The following MAFF variants were observed in gnomAD, a reference collection of about 807,000 sequenced individuals.
MAFF encodes the protein MAF bZIP transcription factor F.
MAFF carries 4 observed loss-of-function variants against 2.7 expected under a neutral mutation model. The ratio of observed to expected loss-of-function variants is 1.48; its 90% CI spans 0.73 to 3.39. The LOEUF is 3.39. Among genes scored for constraint, MAFF ranks in the 30% most tolerant of loss-of-function variants. The pLI is 0.01. For synonymous variants in MAFF, 113 were observed against 119.4 expected, an observed-to-expected ratio of 0.95 and a Z score of 0.35; for missense variants, 190 against 246.6, an observed-to-expected ratio of 0.77 and a Z score of 1.54.
chr22:38,213,252 C>A (rs1284570070), intron 1 of MAFF, among the ~76,000 whole-genome samples: 1 of 149,336 alleles, frequency 6.7e-6, no homozygotes, highest in East Asian at 2.0e-4. Context: ...ATCAAAGGCA[C>A]ATGTCCAAGC....
At chr22:38,213,037 C>T (rs1162387126) in intron 1 of MAFF, among the ~76,000 whole-genome samples, 2 of 151,666 alleles carry the variant, frequency 1.3e-5, no homozygotes, top group Non-Finnish European at 2.9e-5. Flanking sequence ...ATTAGCTGGG[C>T]GTGGTGACAG....
At chr22:38,208,580 C>T (rs920913690) in intron 1 of MAFF, among the ~76,000 whole-genome samples, 2 of 152,182 alleles carry the variant, frequency 1.3e-5, no homozygotes, top group Admixed American at 6.5e-5. Context: ...TGGGTGATGG[C>T]GTCAGAGACT....
At chr22:38,203,253 G>C (rs1472878699) in intron 1 of MAFF, 1 of 152,478 alleles carries the variant, frequency 6.6e-6, no homozygotes, top group Non-Finnish European at 1.5e-5. Context: ...AGGACCACAG[G>C]CTTTTAGCTA....
At chr22:38,213,775 T>C (rs1256699527) in intron 1 of MAFF, 48 bp from the exon 2 acceptor site, 23 of 1,419,176 alleles carry the variant, frequency 1.6e-5, no homozygotes, top group East Asian at 1.1e-4. Context: ...TTATTCTAAA[T>C]GGGAAACCAA....
intron 1 of MAFF, chr22:38,213,487 C>A: frequency 2.7e-6 from 1 of 371,860 alleles, no homozygotes; most frequent in Non-Finnish European, 5.3e-6. Context: ...GTGACTGTTA[C>A]AAGGGTTAAT....
rs2091146812 is a variant in MAFF at position 38,216,024 on chromosome 22, A to C, written c.*1146A>C. 6.0e-6 allele frequency: 1 copy of C among 167,068 alleles called. No homozygotes were observed. Among genetic ancestry groups the C allele is most frequent in the South Asian group, 2.1e-4 (1 of 4,832 alleles). 10.3% of individuals were successfully genotyped at this position (167,068 alleles called of 1,614,324 possible). A position where few individuals can be genotyped will look rare whatever the true frequency, so the allele number is the denominator to read the frequency against. On this transcript the variant is annotated 3_prime_UTR_variant, in exon 3 of 3. Coordinates refer to ENST00000338483, the MANE Select transcript of MAFF (RefSeq NM_012323.4). Reference sequence around the variant, plus strand: ...GGCCCTGAGCTGGGCTTTATATTTTATATCTGCAAATAAATCACATTTTAT... The same window carrying C: ...GGCCCTGAGCTGGGCTTTATATTTTCTATCTGCAAATAAATCACATTTTAT...
chr22:38,213,830 G>A lies in MAFF; in HGVS notation c.-24G>A, dbSNP rs1029929565. 3 of 1,613,500 alleles carry A rather than the reference G, an allele frequency of 1.9e-6. No homozygotes were observed. Among genetic ancestry groups the A allele is most frequent in the Admixed American group, 1.7e-5 (1 of 60,028 alleles). On this transcript the variant is annotated 5_prime_UTR_variant, in exon 2 of 3. Transcript: ENST00000338483. Reference sequence around the variant, plus strand: ...ACCTCCTTTCTACCCTAGGTCTGCAGCCCAGAGGGCACCTTCTGCAAACAT... The same window carrying A: ...ACCTCCTTTCTACCCTAGGTCTGCAACCCAGAGGGCACCTTCTGCAAACAT...
intron 1 of MAFF, among the ~76,000 whole-genome samples, chr22:38,210,623 A>AGTGTGTGTGTGTGT (rs71195095): frequency 0.029 from 3,839 of 132,946 alleles, 123 homozygotes; most frequent in East Asian, 0.052. Context: ...GGACACAGGG[A>AGTGTGTGTGTGTGT]GTGTGTGTGT....
At position 38,214,696 on chromosome 22, in the gene MAFF, G is replaced by T; in HGVS notation, c.313G>T (p.Asp105Tyr). The T allele has an allele frequency of 1.3e-6, 2 of 1,542,054 alleles. No individual in the cohort carries two copies. The highest frequency in any genetic ancestry group is 1.2e-5 in the South Asian group (1 of 83,906). The change falls in exon 3 of 3, where the codon GAC becomes TAC. Residue 105 changes from aspartate to tyrosine, a missense_variant. By Grantham distance (160) the Asp-to-Tyr change is radical. Transcript: ENST00000338483. The surrounding 1 kb of genome is among the most constrained non-coding windows in gnomAD (Gnocchi z 6.3). ...GAACGCCGCCATGCGCCTGGAGCTC[G>T]ACGCGCTGCGCGGCAAGTGCGAGGC... Reference protein sequence around the residue: ...RENAAMRLELDALRGKCEALQ... With the variant: ...RENAAMRLELYALRGKCEALQ...
intron 1 of MAFF, among the ~76,000 whole-genome samples, chr22:38,211,932 G>A (rs539318141): frequency 3.3e-5 from 5 of 152,248 alleles, no homozygotes; most frequent in East Asian, 3.9e-4. Context: ...TTTCCGATAC[G>A]GTACGTGTTT....
At position 38,202,342 on chromosome 22, in the gene MAFF, C is replaced by G. The variant is rs1568996398; in HGVS notation, c.-32+130C>G. 1 of 151,996 alleles carries G rather than the reference C, an allele frequency of 6.6e-6. No homozygotes were observed. The highest frequency in any genetic ancestry group is 6.5e-5 in the Admixed American group (1 of 15,282). The allele number at this position is 151,996 out of a possible 1,614,324, so 9.4% of individuals were successfully genotyped here. ...GGCTCCCGGAGCTCCATCGCCCGGACGGCTCGGGGCGGGGAGAAGGGAGCG... is the reference window on the plus strand; with the variant it reads ...GGCTCCCGGAGCTCCATCGCCCGGAGGGCTCGGGGCGGGGAGAAGGGAGCG... On this transcript the variant is annotated intron_variant, in intron 1 of 2. Coordinates refer to ENST00000338483, the MANE Select transcript of MAFF (RefSeq NM_012323.4). The surrounding 1 kb of genome is among the most constrained non-coding windows in gnomAD (Gnocchi z 7.4).
At chr22:38,213,688 GGA>G (rs2091119890) in intron 1 of MAFF, 133 bp from the exon 2 acceptor site, 1 of 726,342 alleles carries the variant, frequency 1.4e-6, no homozygotes, top group African/African-American at 1.7e-5. Flanking sequence ...GGACCAATGT[GGA>G]GAGAGGAAGG....
rs1203059019 is a variant in MAFF, at chr22:38,202,415, T to TG, written c.-32+208dup. 8 of 142,882 alleles carry TG rather than the reference T, an allele frequency of 5.6e-5. No individual in the cohort carries two copies. The highest frequency in any genetic ancestry group is 9.2e-5 in the Non-Finnish European group (6 of 65,214). The allele number at this position is 142,882 out of a possible 1,614,324, so 8.9% of individuals were successfully genotyped here. On this transcript the variant is annotated intron_variant, in intron 1 of 2. Coordinates refer to ENST00000338483, the MANE Select transcript of MAFF (RefSeq NM_012323.4). This position sits in a 1 kb window ranked among gnomAD's most constrained non-coding sequence, Gnocchi z 7.4. ...CGGGGCCGAGGCCAGCTCGGGGGAG[T>TG]GGGGGTGGAGACGGGGCCCCTTCCC...
intron 1 of MAFF, among the ~76,000 whole-genome samples, chr22:38,206,340 C>CTT (rs61643002): frequency 1.8e-5 from 2 of 108,354 alleles, no homozygotes; most frequent in South Asian, 3.1e-4. Flanking sequence ...CCTATGCCTC[C>CTT]TTTTTTTTTT....
rs1338435221 is a variant in MAFF, at chr22:38,213,881, G to C, written c.28G>C (p.Ala10Pro). The C allele has an allele frequency of 2.5e-6, 4 of 1,614,086 alleles. No individual in the cohort carries two copies. The highest frequency in any genetic ancestry group is 1.7e-6 in the Non-Finnish European group (2 of 1,180,044). Residue 10 changes from alanine to proline, a missense_variant, in exon 2 of 3, where the codon GCT becomes CCT. Coordinates refer to ENST00000338483, the MANE Select transcript of MAFF (RefSeq NM_012323.4). MSVDPLSSK[A>P]LKIKRELSEN... ...GTCTGTGGATCCCCTATCCAGCAAA[G>C]CTCTAAAGGTGAGGAGGCAGCCTCT...
At chr22:38,206,590 G>C (rs2091053761) in intron 1 of MAFF, among the ~76,000 whole-genome samples, 1 of 151,930 alleles carries the variant, frequency 6.6e-6, no homozygotes, top group African/African-American at 2.4e-5. Context: ...GGCCTCAGAT[G>C]ATCTGCCCAC....
chr22:38,208,445 C>T (rs1246499712), intron 1 of MAFF, among the ~76,000 whole-genome samples: 4 of 152,208 alleles, frequency 2.6e-5, no homozygotes, highest in Non-Finnish European at 4.4e-5. Flanking sequence ...TCTTCCCATT[C>T]GCCTAGCATC....
At position 38,213,872 on chromosome 22, in the gene MAFF, T is replaced by C. The variant is rs377667070; in HGVS notation, c.19T>C (p.Ser7Pro). Residue 7 changes from serine to proline, a missense_variant, in exon 2 of 3, where the codon TCC (serine) becomes CCC (proline). This residue lies in a region of MAFF where 87 missense variants were observed against 143.6 expected (regional missense o/e 0.61). Coordinates refer to ENST00000338483, the MANE Select transcript of MAFF (RefSeq NM_012323.4). MSVDPLSSKALKIKREL... is the reference protein window; with the variant it reads MSVDPLPSKALKIKREL... The stretch of plus-strand genomic sequence containing the variant: ...TGCAAACATGTCTGTGGATCCCCTA[T>C]CCAGCAAAGCTCTAAAGGTGAGGAG... 6 of 1,614,094 alleles carry C rather than the reference T, an allele frequency of 3.7e-6. No homozygotes were observed. In the African/African-American group the frequency reaches 8.0e-5, roughly 22 times the overall value.
intron 1 of MAFF, chr22:38,205,719 G>C (rs1379366213): frequency 1.3e-5 from 2 of 152,262 alleles, no homozygotes; most frequent in Non-Finnish European, 2.9e-5. Flanking sequence ...AGGACCCCTG[G>C]GTTCCAGTCC....
Sources: gnomAD v4.1 joint callset for allele counts (sites outside exome capture counted in the v4.1 genomes callset) on GRCh38, gnomAD v4.1.1 for gene constraint, gnomAD v4.1.1 regional missense constraint, Gnocchi (gnomAD v3.1) non-coding constraint, MANE v1.5 for transcripts, NCBI Gene and HGNC (gene_info 2026-07-23, HGNC 2026-07-21) for gene names.